RHOG: variants seen among roughly 807,000 people sequenced by gnomAD.
RHOG encodes the protein rho-related GTP-binding protein RhoG.
A neutral mutation model predicts 12.3 loss-of-function variants in RHOG; 1 was observed. The observed-to-expected ratio is 0.08, with a 90% CI of 0.03 to 0.39. The LOEUF (loss-of-function observed/expected upper bound fraction) is 0.39, where lower values mean the gene tolerates loss of function less well. RHOG is among the 10% of genes least tolerant of loss of function. The pLI, the probability that RHOG is intolerant of heterozygous loss-of-function variation, is 0.99. For missense variants in RHOG, 114 were observed against 266.2 expected, an observed-to-expected ratio of 0.43 and a Z score of 3.98; for synonymous variants, 129 against 116.0, an observed-to-expected ratio of 1.11 and a Z score of -0.72.
At chr11:3,830,861 C>T (rs1189347513) in intron 1 of RHOG, among the ~76,000 whole-genome samples, 1 of 151,844 alleles carries the variant, frequency 6.6e-6, no homozygotes, top group Non-Finnish European at 1.5e-5. Flanking sequence ...TTCTGGAACA[C>T]AGCTTCCAGA....
rs1259316980 is a variant in RHOG, at chr11:3,827,528, G to A, written c.*35C>T. 1 of 1,542,986 alleles carries A rather than the reference G, an allele frequency of 6.5e-7. No individual in the cohort carries two copies. Among genetic ancestry groups the A allele is most frequent in the Non-Finnish European group, 8.8e-7 (1 of 1,132,446 alleles). ...GGCACCAAGGCACAACTGGTGGGGGGAGGGCAGGGGCAGCCTCCAAGCCAA... is the reference window on the plus strand; with the variant it reads ...GGCACCAAGGCACAACTGGTGGGGGAAGGGCAGGGGCAGCCTCCAAGCCAA... On this transcript the variant is annotated 3_prime_UTR_variant, in exon 2 of 2. Transcript: ENST00000351018. The surrounding 1 kb of genome is among the most constrained non-coding windows in gnomAD (Gnocchi z 7.3).
At position 3,832,095 on chromosome 11, in the gene RHOG, G is replaced by T. The variant is rs1365998873; in HGVS notation, c.-68-3889C>A. On this transcript the variant is annotated intron_variant, in intron 1 of 1. Transcript: ENST00000351018. Reference sequence around the variant, plus strand: ...AGCAGAGCAAAGGCAGTGTGGTATAGGGCCAAGAGTACTGGATACCTGACT... The same window carrying T: ...AGCAGAGCAAAGGCAGTGTGGTATATGGCCAAGAGTACTGGATACCTGACT... 3.3e-5 allele frequency among the ~76,000 whole-genome samples: 5 copies of T among 152,206 alleles called. No individual in the cohort carries two copies. The South Asian group carries it at 6.2e-4, about 19-fold the overall frequency.
chr11:3,839,163 T>G (rs1407972749), intron 1 of RHOG, among the ~76,000 whole-genome samples: 2 of 152,174 alleles, frequency 1.3e-5, no homozygotes, highest in African/African-American at 4.8e-5. Context: ...CTGGTCCCAT[T>G]CTTTCCACCA....
chr11:3,828,375 CCAAG>C (rs2090102513), intron 1 of RHOG, among the ~76,000 whole-genome samples, 169 bp from the exon 2 acceptor site: 1 of 152,158 alleles, frequency 6.6e-6, no homozygotes, highest in African/African-American at 2.4e-5. Context: ...GGCCCTGAGG[CCAAG>C]CAAAGAGGCA....
At chr11:3,837,418 C>T (rs2090164241) in intron 1 of RHOG, among the ~76,000 whole-genome samples, 1 of 150,624 alleles carries the variant, frequency 6.6e-6, no homozygotes, top group Non-Finnish European at 1.5e-5. Flanking sequence ...CAGTACTATC[C>T]CTGGACAGAT....
At chr11:3,831,549 T>C (rs746324630) in intron 1 of RHOG, among the ~76,000 whole-genome samples, 1 of 152,108 alleles carries the variant, frequency 6.6e-6, no homozygotes, top group Non-Finnish European at 1.5e-5. Context: ...GACCTCAGAC[T>C]GGAAGTTGAG....
At position 3,837,476 on chromosome 11, in the gene RHOG, A is replaced by T. The variant is rs1264128767; in HGVS notation, c.-69+3418T>A. On this transcript the variant is annotated intron_variant, in intron 1 of 1. Transcript: ENST00000351018. ...CCTGTCAAATTGAGGCTGGTAAGAC[A>T]CAAGGGCCCAGAGTGAGGGGCACTG... 2.0e-5 allele frequency among the ~76,000 whole-genome samples: 3 copies of T among 152,228 alleles called. No homozygotes were observed. In the South Asian group the frequency reaches 6.2e-4, roughly 32 times the overall value.
intron 1 of RHOG, among the ~76,000 whole-genome samples, chr11:3,834,973 C>G (rs1360273796): frequency 1.3e-5 from 2 of 152,178 alleles, no homozygotes; most frequent in Admixed American, 1.3e-4. Flanking sequence ...TATTCTCTTC[C>G]GTAAAATACA....
Position 3,827,353 on chromosome 11 carries a change from G to C in RHOG, c.*210C>G. The C allele has an allele frequency of 1.7e-6, 1 of 588,748 alleles. No individual in the cohort carries two copies. The highest frequency in any genetic ancestry group is 2.1e-5 in the South Asian group (1 of 47,708). 36.5% of individuals were successfully genotyped at this position (588,748 alleles called of 1,614,324 possible). ...TTGGATGAGCTCATGAGAATACCCA[G>C]TGTTCCCAAGCAGAGGGGGGCAGAG... On this transcript the variant is annotated 3_prime_UTR_variant, in exon 2 of 2. Coordinates refer to ENST00000351018, the MANE Select transcript of RHOG (RefSeq NM_001665.4). This position sits in a 1 kb window ranked among gnomAD's most constrained non-coding sequence, Gnocchi z 7.3.
chr11:3,835,074 T>A (rs1490522379), intron 1 of RHOG, among the ~76,000 whole-genome samples: 1 of 152,172 alleles, frequency 6.6e-6, no homozygotes, highest in East Asian at 1.9e-4. Flanking sequence ...CTATCCAAAG[T>A]CTGGTCCCTG....
At position 3,827,998 on chromosome 11, in the gene RHOG, G is replaced by A. The variant is rs369419390; in HGVS notation, c.141C>T (p.Asp47=). Reference sequence around the variant, plus strand: ...ACAGGTTCAGGTTCACTGTGCGCCCGTCAACTGCGCTCTGCGCGCTGTAAT... The same window carrying A: ...ACAGGTTCAGGTTCACTGTGCGCCCATCAACTGCGCTCTGCGCGCTGTAAT... The part of the protein sequence containing the change: ...FDNYSAQSAV[D]GRTVNLNLWD... The change falls in exon 2 of 2, where the codon GAC becomes GAT. Residue 47 remains aspartate (D), a synonymous_variant. Transcript: ENST00000351018. This position sits in a 1 kb window ranked among gnomAD's most constrained non-coding sequence, Gnocchi z 7.3. The A allele has an allele frequency of 6.5e-5, 105 of 1,614,152 alleles. No homozygotes were observed. Among genetic ancestry groups the A allele is most frequent in the East Asian group, 5.6e-4 (25 of 44,902 alleles).
chr11:3,832,998 G>A (rs564005712), intron 1 of RHOG, among the ~76,000 whole-genome samples: 17 of 152,026 alleles, frequency 1.1e-4, no homozygotes, highest in South Asian at 6.2e-4. Flanking sequence ...CAAGGTTATC[G>A]TCCCTGTGAG....
chr11:3,839,901 C>T (rs934534689), intron 1 of RHOG, among the ~76,000 whole-genome samples: 1 of 151,878 alleles, frequency 6.6e-6, no homozygotes, highest in Admixed American at 6.6e-5. Context: ...AGGACCAAGA[C>T]GAACATGGGG....
At chr11:3,833,541 G>T (rs1473214277) in intron 1 of RHOG, among the ~76,000 whole-genome samples, 1 of 152,168 alleles carries the variant, frequency 6.6e-6, no homozygotes, top group African/African-American at 2.4e-5. Context: ...AGGGATATTA[G>T]AGTTACGTAG....
chr11:3,828,088 C>A lies in RHOG; in HGVS notation c.51G>T (p.Thr17=). ...TAGTTGTGTAGCAGATGAGCAGGCA[C>A]GTCTTGCCCACAGCCCCATCACCCA... ...VVVGDGAVGK[T]CLLICYTTNA... The change falls in exon 2 of 2, where the codon ACG becomes ACT. Residue 17 remains threonine, a synonymous_variant. Coordinates refer to ENST00000351018, the MANE Select transcript of RHOG (RefSeq NM_001665.4). 1 of 1,614,218 alleles carries A rather than the reference C, an allele frequency of 6.2e-7. No individual in the cohort carries two copies. The highest frequency in any genetic ancestry group is 8.5e-7 in the Non-Finnish European group (1 of 1,180,010).
chr11:3,829,877 G>T (rs1287127684), intron 1 of RHOG, among the ~76,000 whole-genome samples: 1 of 152,154 alleles, frequency 6.6e-6, no homozygotes, highest in African/African-American at 2.4e-5. Context: ...CTCCCGAGTG[G>T]CTGGGATTAC....
In RHOG at chr11:3,836,630, G is replaced by A. The variant is rs547190740; in HGVS notation, c.-69+4264C>T. On this transcript the variant is annotated intron_variant, in intron 1 of 1. Transcript: ENST00000351018. The stretch of plus-strand genomic sequence containing the variant: ...AAGGTGAGCCTCAGCTGGGCATGGT[G>A]GCTCACATCTGTAATCCCAGCACTT... Among the ~76,000 whole-genome samples the A allele has an allele frequency of 4.6e-5, 7 of 151,884 alleles. No individual in the cohort carries two copies. In the South Asian group the frequency reaches 1.2e-3, roughly 27 times the overall value.
chr11:3,833,911 G>C (rs1451719), intron 1 of RHOG, among the ~76,000 whole-genome samples: 97,396 of 151,938 alleles, frequency 0.64, 31,241 homozygotes, highest in Middle Eastern at 0.69. Flanking sequence ...TCTCACAGTT[G>C]CATAAGGTTA....
Position 3,827,197 on chromosome 11 carries a change from T to C in RHOG, c.*366A>G, listed in dbSNP as rs1327196706. The C allele has an allele frequency of 2.7e-5, 7 of 259,206 alleles. No individual in the cohort carries two copies. Among genetic ancestry groups the C allele is most frequent in the Non-Finnish European group, 5.2e-5 (7 of 133,632 alleles). 16.1% of individuals were successfully genotyped at this position (259,206 alleles called of 1,614,324 possible). ...AGCGAGGGCAGAGGTTAGAGATGGCTGAGAGCCCCTAACCTGAGGCGGCAC... is the reference window on the plus strand; with the variant it reads ...AGCGAGGGCAGAGGTTAGAGATGGCCGAGAGCCCCTAACCTGAGGCGGCAC... On this transcript the variant is annotated 3_prime_UTR_variant, in exon 2 of 2. Coordinates refer to ENST00000351018, the MANE Select transcript of RHOG (RefSeq NM_001665.4). This position sits in a 1 kb window ranked among gnomAD's most constrained non-coding sequence, Gnocchi z 7.3.
Sources: gnomAD v4.1 joint callset for allele counts (sites outside exome capture counted in the v4.1 genomes callset) on GRCh38, gnomAD v4.1.1 for gene constraint, Gnocchi (gnomAD v3.1) non-coding constraint, MANE v1.5 for transcripts, NCBI Gene and HGNC (gene_info 2026-07-23, HGNC 2026-07-21) for gene names.